The following RASGEF1A variants were observed in gnomAD, a reference collection of about 807,000 sequenced individuals.
RASGEF1A encodes the protein ras-GEF domain-containing family member 1A.
Under a neutral mutation model 56.4 loss-of-function variants are expected in RASGEF1A, and 18 were observed. That is an observed-to-expected ratio of 0.32 (90% CI 0.22 to 0.47). RASGEF1A has a LOEUF of 0.47. Ranked by LOEUF, RASGEF1A falls within the 20% of genes least tolerant of loss-of-function variation. The pLI, the probability that RASGEF1A is intolerant of heterozygous loss-of-function variation, is 1.00. For missense variants in RASGEF1A, 422 were observed against 627.1 expected (o/e 0.67, Z 3.49); for synonymous variants, 245 against 242.6 (o/e 1.01, Z -0.09).
intron 1 of RASGEF1A, among the ~76,000 whole-genome samples, chr10:43,258,600 G>A (rs1206745178): frequency 6.6e-6 from 1 of 152,208 alleles, no homozygotes; most frequent in Non-Finnish European, 1.5e-5. Context: ...TGGGCCGAGG[G>A]GCACCACCAG....
Position 43,199,658 on chromosome 10 carries a change from T to A in RASGEF1A, c.849+18A>T. On this transcript the variant is annotated intron_variant, in intron 7 of 12. Transcript: ENST00000395810. ...TGGGCATGGCAGCCACCCCACCATG[T>A]CTGCCATGGGCACTTACCCGGCACA... 1 of 1,601,728 alleles carries A rather than the reference T, an allele frequency of 6.2e-7. No individual in the cohort carries two copies. Among genetic ancestry groups the A allele is most frequent in the East Asian group, 2.2e-5 (1 of 44,830 alleles).
At chr10:43,208,739 C>T (rs181694981) in intron 1 of RASGEF1A, 58 of 985,558 alleles carry the variant, frequency 5.9e-5, no homozygotes, top group Middle Eastern at 5.2e-4. Context: ...GGGGATGCCC[C>T]ATGAGCCCCT....
At chr10:43,218,141 G>A (rs1840161455) in intron 1 of RASGEF1A, among the ~76,000 whole-genome samples, 2 of 152,212 alleles carry the variant, frequency 1.3e-5, no homozygotes, top group African/African-American at 2.4e-5. Context: ...CTCAATGCCT[G>A]GTGGGTTCTG....
chr10:43,203,474 G>T, intron 2 of RASGEF1A, 54 bp from the exon 3 acceptor site: 2 of 1,468,230 alleles, frequency 1.4e-6, no homozygotes, highest in Non-Finnish European at 1.8e-6. Context: ...GGCCCCCGGG[G>T]GCTCACCGCG....
At chr10:43,206,462 G>T (rs1234284077) in intron 1 of RASGEF1A, among the ~76,000 whole-genome samples, 1 of 152,262 alleles carries the variant, frequency 6.6e-6, no homozygotes, top group Non-Finnish European at 1.5e-5. Context: ...TGCCTGGGGT[G>T]AGAGGGCTGT....
At chr10:43,207,670 C>T (rs946847114) in intron 1 of RASGEF1A, 12 of 985,394 alleles carry the variant, frequency 1.2e-5, no homozygotes, top group Non-Finnish European at 1.4e-5. Context: ...CAGACTCATA[C>T]AATGCTCCCT....
At chr10:43,219,057 T>A (rs1031406291) in intron 1 of RASGEF1A, among the ~76,000 whole-genome samples, 3 of 152,202 alleles carry the variant, frequency 2.0e-5, no homozygotes, top group Non-Finnish European at 2.9e-5. Flanking sequence ...AACCATTCCA[T>A]TCTTGAGACT....
chr10:43,250,640 GA>G (rs1840617567), intron 1 of RASGEF1A, among the ~76,000 whole-genome samples: 1 of 145,496 alleles, frequency 6.9e-6, no homozygotes, highest in African/African-American at 2.4e-5. Flanking sequence ...TGCCGAAGGG[GA>G]AGGGGGGGGT....
chr10:43,208,819 G>C, intron 1 of RASGEF1A: 1 of 985,504 alleles, frequency 1.0e-6, no homozygotes, highest in Non-Finnish European at 1.2e-6. Context: ...AGGGTCTCCA[G>C]GGCTCAGTGC....
At chr10:43,249,738 C>T (rs1371830457) in intron 1 of RASGEF1A, among the ~76,000 whole-genome samples, 1 of 152,204 alleles carries the variant, frequency 6.6e-6, no homozygotes, top group African/African-American at 2.4e-5. Flanking sequence ...CAGAAGGAGC[C>T]AGCTGGGAAG....
At chr10:43,219,540 G>A (rs1564534449) in intron 1 of RASGEF1A, among the ~76,000 whole-genome samples, 1 of 152,214 alleles carries the variant, frequency 6.6e-6, no homozygotes, top group Non-Finnish European at 1.5e-5. Context: ...GGCTCCAGTA[G>A]GAAGGCACCA....
intron 1 of RASGEF1A, among the ~76,000 whole-genome samples, chr10:43,214,880 C>T (rs530085899): frequency 4.6e-5 from 7 of 152,314 alleles, no homozygotes; most frequent in East Asian, 1.9e-4. Context: ...CCCAGGGAGA[C>T]AGCCCGGAGA....
chr10:43,217,169 C>T (rs1261954910), intron 1 of RASGEF1A, among the ~76,000 whole-genome samples: 3 of 152,188 alleles, frequency 2.0e-5, no homozygotes, highest in African/African-American at 4.8e-5. Context: ...GGGGCCACTG[C>T]ACCCTCAGCT....
At chr10:43,229,824 G>C in intron 1 of RASGEF1A, 1 of 1,058,106 alleles carries the variant, frequency 9.5e-7, no homozygotes, top group Non-Finnish European at 1.2e-6. Flanking sequence ...CTGGGCTGGG[G>C]ACCGCGGGGT....
At chr10:43,242,567 C>G (rs1282888567) in intron 1 of RASGEF1A, among the ~76,000 whole-genome samples, 1 of 152,130 alleles carries the variant, frequency 6.6e-6, no homozygotes. Context: ...CCGTCTCCCT[C>G]TCTTGCAGAG....
At position 43,249,542 on chromosome 10, in the gene RASGEF1A, T is replaced by C. The variant is rs1166060069; in HGVS notation, c.-7+17303A>G. On this transcript the variant is annotated intron_variant, in intron 1 of 12. Coordinates refer to ENST00000395810, the MANE Select transcript of RASGEF1A (RefSeq NM_145313.4). ...ACCCTCTCTCCCCATTGCTGTTGGC[T>C]GGCTCTGCTCCCCCAGGCACACAGC... 2.6e-5 allele frequency among the ~76,000 whole-genome samples: 4 copies of C among 152,360 alleles called. No individual in the cohort carries two copies. In the East Asian group the frequency reaches 7.7e-4, roughly 29 times the overall value.
chr10:43,209,015 G>A (rs1027914889), intron 1 of RASGEF1A: 61 of 985,378 alleles, frequency 6.2e-5, no homozygotes, highest in Middle Eastern at 5.2e-4. Flanking sequence ...CCCTGAGGTC[G>A]CTTGTTCTTG....
chr10:43,221,235 G>C (rs576938490), intron 1 of RASGEF1A, among the ~76,000 whole-genome samples: 11 of 152,316 alleles, frequency 7.2e-5, no homozygotes, highest in African/African-American at 2.2e-4. Flanking sequence ...GACTGCCTGG[G>C]TGTGTGGAAT....
At chr10:43,199,869 C>T (rs1337633403) in intron 6 of RASGEF1A, 101 bp from the exon 7 acceptor site, 7 of 973,686 alleles carry the variant, frequency 7.2e-6, no homozygotes, top group South Asian at 1.4e-5. Context: ...TCAGCCTGCA[C>T]CGCAGCAGCC....
Sources: gnomAD v4.1 joint callset for allele counts (sites outside exome capture counted in the v4.1 genomes callset) on GRCh38, gnomAD v4.1.1 for gene constraint, MANE v1.5 for transcripts, NCBI Gene and HGNC (gene_info 2026-07-23, HGNC 2026-07-21) for gene names.